STX8: variants seen among roughly 807,000 people sequenced by gnomAD.
The protein encoded by STX8 is syntaxin-8.
In STX8, 23 loss-of-function variants were observed where a neutral mutation model predicts 37.5. That is an observed-to-expected ratio of 0.61 (90% CI 0.44 to 0.87). The LOEUF (loss-of-function observed/expected upper bound fraction) is 0.87, where lower values mean the gene tolerates loss of function less well. Ranked by LOEUF, STX8 falls within the 40% of genes least tolerant of loss-of-function variation. The pLI, the probability that STX8 is intolerant of heterozygous loss-of-function variation, is 0.00. For synonymous variants in STX8, 115 were observed against 99.1 expected (o/e 1.16, Z -0.95); for missense variants, 313 against 284.7 (o/e 1.10, Z -0.71).
At chr17:9,467,330 C>T (rs1466141429) in intron 6 of STX8, 1 of 152,194 alleles carries the variant, frequency 6.6e-6, no homozygotes, top group Non-Finnish European at 1.5e-5. Context: ...CCAGAGCTCT[C>T]TGTCTTAATC....
chr17:9,262,306 A>G (rs1256187664), intron 7 of STX8, among the ~76,000 whole-genome samples: 1 of 152,192 alleles, frequency 6.6e-6, no homozygotes, highest in African/African-American at 2.4e-5. Flanking sequence ...CTGATGCAAC[A>G]GACCTCAAGT....
At chr17:9,457,698 TA>T (rs951281089) in intron 6 of STX8, among the ~76,000 whole-genome samples, 72 of 152,362 alleles carry the variant, frequency 4.7e-4, no homozygotes, top group African/African-American at 1.6e-3. Flanking sequence ...CTCATGATCA[TA>T]AGGTACTAAT....
At chr17:9,450,964 C>T (rs1350683728) in intron 6 of STX8, among the ~76,000 whole-genome samples, 1 of 152,080 alleles carries the variant, frequency 6.6e-6, no homozygotes, top group Non-Finnish European at 1.5e-5. Flanking sequence ...CAAGCATGGA[C>T]TGTGTTCTGG....
At chr17:9,316,572 C>T (rs1909388403) in intron 7 of STX8, among the ~76,000 whole-genome samples, 1 of 152,176 alleles carries the variant, frequency 6.6e-6, no homozygotes, top group Admixed American at 6.5e-5. Context: ...GGTGGCATGC[C>T]CAGAGAGTGC....
chr17:9,360,235 T>C (rs1911018098), intron 7 of STX8, among the ~76,000 whole-genome samples: 1 of 138,444 alleles, frequency 7.2e-6, no homozygotes, highest in Non-Finnish European at 1.6e-5. Flanking sequence ...GTCTTTTTTT[T>C]TTTTTTTTTT....
At chr17:9,571,352 C>T (rs1375940724) in intron 1 of STX8, among the ~76,000 whole-genome samples, 1 of 152,094 alleles carries the variant, frequency 6.6e-6, no homozygotes, top group Admixed American at 6.6e-5. Context: ...GCGTGGGGAG[C>T]TTTAAAAGCT....
chr17:9,451,126 G>A (rs906073649), intron 6 of STX8, among the ~76,000 whole-genome samples: 3 of 152,024 alleles, frequency 2.0e-5, no homozygotes, highest in South Asian at 2.1e-4. Context: ...TGTTTATACC[G>A]TCCCTCCCTT....
At chr17:9,326,674 TAA>T (rs370689827) in intron 7 of STX8, among the ~76,000 whole-genome samples, 11 of 152,186 alleles carry the variant, frequency 7.2e-5, no homozygotes, top group Non-Finnish European at 1.5e-4. Flanking sequence ...TCCCTGGTGA[TAA>T]GACACTAGTG....
intron 6 of STX8, among the ~76,000 whole-genome samples, chr17:9,472,355 T>G (rs116547353): frequency 0.011 from 1,681 of 152,248 alleles, 26 homozygotes; most frequent in African/African-American, 0.037. Flanking sequence ...ACTTGGGGGT[T>G]TTAAGTACAT....
intron 4 of STX8, among the ~76,000 whole-genome samples, chr17:9,527,081 A>G (rs1462020143): frequency 7.0e-6 from 1 of 143,296 alleles, no homozygotes; most frequent in Non-Finnish European, 1.5e-5. Context: ...CGGGAGGCTG[A>G]GGCAGGAGAA....
At chr17:9,487,114 G>A (rs938425624) in intron 6 of STX8, among the ~76,000 whole-genome samples, 1 of 152,142 alleles carries the variant, frequency 6.6e-6, no homozygotes, top group Non-Finnish European at 1.5e-5. Flanking sequence ...AATTACTGGG[G>A]TTGGTCAGGC....
chr17:9,522,415 C>T (rs1263223142), intron 4 of STX8, among the ~76,000 whole-genome samples: 4 of 151,834 alleles, frequency 2.6e-5, no homozygotes, highest in South Asian at 4.2e-4. Flanking sequence ...AGTTTCCTAT[C>T]GGCCGGGCAC....
At chr17:9,441,817 A>G (rs959613320) in intron 6 of STX8, among the ~76,000 whole-genome samples, 1 of 151,616 alleles carries the variant, frequency 6.6e-6, no homozygotes, top group African/African-American at 2.4e-5. Flanking sequence ...CTGGGACTAC[A>G]GGCGCCCACC....
chr17:9,282,510 A>G (rs935332186), intron 7 of STX8, among the ~76,000 whole-genome samples: 1 of 152,164 alleles, frequency 6.6e-6, no homozygotes, highest in East Asian at 1.9e-4. Context: ...TCCTTCCAAC[A>G]TTACATTATT....
chr17:9,377,673 G>C (rs1364745513), intron 7 of STX8, among the ~76,000 whole-genome samples: 2 of 152,066 alleles, frequency 1.3e-5, no homozygotes, highest in Non-Finnish European at 2.9e-5. Flanking sequence ...TGTTGCCCAG[G>C]CTGCTAATTT....
intron 7 of STX8, among the ~76,000 whole-genome samples, chr17:9,295,337 A>G (rs1908475512): frequency 6.6e-6 from 1 of 152,248 alleles, no homozygotes; most frequent in Admixed American, 6.5e-5. Context: ...GCCCCTTGAA[A>G]GAAGAGACCA....
intron 5 of STX8, among the ~76,000 whole-genome samples, chr17:9,504,114 G>A (rs1426977067): frequency 6.6e-6 from 1 of 152,036 alleles, no homozygotes; most frequent in African/African-American, 2.4e-5. Flanking sequence ...TATATGGAGA[G>A]AGCTAAATAT....
intron 6 of STX8, among the ~76,000 whole-genome samples, chr17:9,402,201 C>A (rs1912649731): frequency 6.6e-6 from 1 of 152,100 alleles, no homozygotes; most frequent in Admixed American, 6.5e-5. Flanking sequence ...CTCACTGCAA[C>A]CTCCGCCTCC....
At chr17:9,307,211 C>A (rs113446493) in intron 7 of STX8, among the ~76,000 whole-genome samples, 16,469 of 152,234 alleles carry the variant, frequency 0.11, 2,797 homozygotes, top group African/African-American at 0.36. Context: ...TGTGCTGCAT[C>A]ATTTATGTAC....
Sources: allele counts gnomAD v4.1 joint callset (sites outside exome capture counted in the v4.1 genomes callset), GRCh38; gene constraint gnomAD v4.1.1; transcripts MANE v1.5; gene names NCBI Gene and HGNC (gene_info 2026-07-23, HGNC 2026-07-21).